Variants in GNAQ observed in about 807,000 individuals in gnomAD.
GNAQ encodes the protein G protein subunit alpha q.
Under a neutral mutation model 43.9 loss-of-function variants are expected in GNAQ, and 8 were observed. That is an observed-to-expected ratio of 0.18 (90% CI 0.11 to 0.33). The LOEUF (loss-of-function observed/expected upper bound fraction) is 0.33. Among genes scored for constraint, GNAQ ranks in the 10% least tolerant of loss-of-function variants. The pLI is 1.00. For synonymous variants in GNAQ, 155 were observed against 170.7 expected, an observed-to-expected ratio of 0.91 and a Z score of 0.71; for missense variants, 158 against 450.8, an observed-to-expected ratio of 0.35 and a Z score of 5.88.
chr9:77,811,320 ATCTTT>A lies in GNAQ; in HGVS notation c.476+4291_476+4295del, dbSNP rs1460397194. ...GGAACAATTATAAAGATATGAAGAT[ATCTTT>A]ATAAAGATATATTATATATAAAGAT... is the stretch of plus-strand genomic sequence containing the variant. On this transcript the variant is annotated intron_variant, in intron 3 of 6. Coordinates refer to ENST00000286548, the MANE Select transcript of GNAQ (RefSeq NM_002072.5). 5.7e-5 allele frequency among the ~76,000 whole-genome samples: 6 copies of A among 104,488 alleles called. No homozygotes were observed. In the Admixed American group the frequency reaches 6.2e-4, roughly 11 times the overall value. The allele number at this position is 104,488 out of a possible 152,430, so 68.5% of individuals were successfully genotyped here. A position where few individuals can be genotyped will look rare whatever the true frequency, so the allele number is the denominator to read the frequency against.
At chr9:77,885,564 C>G (rs1213549172) in intron 2 of GNAQ, among the ~76,000 whole-genome samples, 2 of 152,072 alleles carry the variant, frequency 1.3e-5, no homozygotes, top group Non-Finnish European at 2.9e-5. Flanking sequence ...TTAACTTTCC[C>G]AGTAGCTACA....
At chr9:77,884,144 G>C (rs1425741224) in intron 2 of GNAQ, among the ~76,000 whole-genome samples, 1 of 152,176 alleles carries the variant, frequency 6.6e-6, no homozygotes, top group Non-Finnish European at 1.5e-5. Context: ...AGAGCTACTA[G>C]CATTTCTATA....
intron 1 of GNAQ, among the ~76,000 whole-genome samples, chr9:77,940,473 G>T (rs1398575812): frequency 6.6e-6 from 1 of 152,108 alleles, no homozygotes; most frequent in Non-Finnish European, 1.5e-5. Flanking sequence ...TAGCTACTTG[G>T]AAGGCTGAGG....
chr9:77,923,900 C>G (rs747176987), intron 1 of GNAQ, among the ~76,000 whole-genome samples: 1 of 152,110 alleles, frequency 6.6e-6, no homozygotes, highest in Non-Finnish European at 1.5e-5. Flanking sequence ...TTTTGTTTTT[C>G]TGATGGTTGG....
At chr9:77,986,824 T>A (rs951242100) in intron 1 of GNAQ, among the ~76,000 whole-genome samples, 5 of 137,048 alleles carry the variant, frequency 3.6e-5, no homozygotes, top group African/African-American at 1.3e-4. Context: ...TTTTTTTTTT[T>A]TAACCTTTTC....
rs138495811 is a variant in GNAQ, at chr9:77,861,589, T to C, written c.322-45819A>G. Among the ~76,000 whole-genome samples, 179 of 151,912 alleles carry C rather than the reference T, an allele frequency of 1.2e-3. 1 individual carries two copies. The highest frequency in any genetic ancestry group is 3.9e-3 in the African/African-American group (160 of 41,422). ...ACACAGCCATTCCAAATGGGAGAAA[T>C]TGGCCAAAACAAAGGGCTACAGGCC... On this transcript the variant is annotated intron_variant, in intron 2 of 6. Coordinates refer to ENST00000286548, the MANE Select transcript of GNAQ (RefSeq NM_002072.5).
intron 2 of GNAQ, among the ~76,000 whole-genome samples, chr9:77,824,103 C>G (rs1487981387): frequency 6.6e-6 from 1 of 152,024 alleles, no homozygotes; most frequent in Non-Finnish European, 1.5e-5. Context: ...ACATCATGTC[C>G]CTAACATCCT....
intron 3 of GNAQ, among the ~76,000 whole-genome samples, chr9:77,814,404 C>T (rs1826979044): frequency 6.6e-6 from 1 of 152,100 alleles, no homozygotes; most frequent in Admixed American, 6.5e-5. Flanking sequence ...GCACACATTT[C>T]AGAGGCACAC....
At chr9:77,726,075 A>G (rs1358213790) in intron 6 of GNAQ, among the ~76,000 whole-genome samples, 2 of 152,082 alleles carry the variant, frequency 1.3e-5, no homozygotes, top group African/African-American at 2.4e-5. Context: ...TTTCATGCCT[A>G]CTGTATTCAG....
chr9:77,946,655 AC>A (rs1822903101), intron 1 of GNAQ, among the ~76,000 whole-genome samples: 1 of 152,126 alleles, frequency 6.6e-6, no homozygotes, highest in Non-Finnish European at 1.5e-5. Context: ...ATAAAATGAA[AC>A]CTTCTCTGTA....
At chr9:77,976,285 A>T (rs1267749183) in intron 1 of GNAQ, among the ~76,000 whole-genome samples, 1 of 152,266 alleles carries the variant, frequency 6.6e-6, no homozygotes, top group Non-Finnish European at 1.5e-5. Context: ...CTGAAGAACA[A>T]CTGGGGTCAG....
intron 5 of GNAQ, among the ~76,000 whole-genome samples, chr9:77,758,833 C>T (rs1825943955): frequency 6.6e-6 from 1 of 151,846 alleles, no homozygotes; most frequent in Admixed American, 6.6e-5. Flanking sequence ...CATCTCTGCA[C>T]GTAAGTTTTT....
intron 1 of GNAQ, among the ~76,000 whole-genome samples, chr9:77,971,929 T>C (rs747656556): frequency 2.0e-5 from 3 of 152,138 alleles, no homozygotes; most frequent in African/African-American, 4.8e-5. Flanking sequence ...TGAATGGGAG[T>C]TCACTCATGA....
At chr9:77,999,604 G>A (rs1312560267) in intron 1 of GNAQ, among the ~76,000 whole-genome samples, 1 of 152,208 alleles carries the variant, frequency 6.6e-6, no homozygotes. Context: ...CTTCCCAGGT[G>A]ACTGGACAAG....
chr9:78,004,799 C>G (rs917182484), intron 1 of GNAQ, among the ~76,000 whole-genome samples: 2 of 151,784 alleles, frequency 1.3e-5, no homozygotes, highest in Non-Finnish European at 1.5e-5. Context: ...AGGATTTGCA[C>G]AGAGAGCGAT....
At position 77,976,604 on chromosome 9, in the gene GNAQ, C is replaced by G. The variant is rs571580059; in HGVS notation, c.137-54259G>C. ...ATGGGGTTTCACCATATTGGTCAGG[C>G]TGGTCTCAAACTCCTGACCTCGTGA... On this transcript the variant is annotated intron_variant, in intron 1 of 6. Transcript: ENST00000286548. Among the ~76,000 whole-genome samples, 19 of 152,206 alleles carry G rather than the reference C, an allele frequency of 1.2e-4. No homozygotes were observed. In the East Asian group the frequency reaches 3.7e-3, roughly 29 times the overall value.
At chr9:77,756,415 A>C (rs1050165867) in intron 5 of GNAQ, among the ~76,000 whole-genome samples, 1 of 152,228 alleles carries the variant, frequency 6.6e-6, no homozygotes, top group Non-Finnish European at 1.5e-5. Context: ...GTCCATCCAG[A>C]TGTGTTTCTC....
chr9:77,956,399 C>T (rs1823040863), intron 1 of GNAQ, among the ~76,000 whole-genome samples: 1 of 152,106 alleles, frequency 6.6e-6, no homozygotes, highest in African/African-American at 2.4e-5. Context: ...CTACAAATGC[C>T]CAGCTTCCTT....
At chr9:77,980,532 AT>A (rs764235840) in intron 1 of GNAQ, among the ~76,000 whole-genome samples, 1 of 152,244 alleles carries the variant, frequency 6.6e-6, no homozygotes, top group Non-Finnish European at 1.5e-5. Flanking sequence ...ATATTAAAAA[AT>A]AGCCCCTTTT....
Sources: allele counts gnomAD v4.1 joint callset (sites outside exome capture counted in the v4.1 genomes callset), GRCh38; gene constraint gnomAD v4.1.1; transcripts MANE v1.5; gene names NCBI Gene and HGNC (gene_info 2026-07-23, HGNC 2026-07-21).